Variants in RABGAP1L observed in about 807,000 individuals in gnomAD.
RABGAP1L encodes the protein RAB GTPase activating protein 1 like.
In RABGAP1L, 63 loss-of-function variants were observed where a neutral mutation model predicts 137.7. That is an observed-to-expected ratio of 0.46 (90% confidence interval 0.37 to 0.56). RABGAP1L has a LOEUF of 0.56. Among genes scored for constraint, RABGAP1L ranks in the 20% least tolerant of loss-of-function variants. The pLI, the probability that RABGAP1L is intolerant of heterozygous loss-of-function variation, is 0.00. For missense variants in RABGAP1L, 1,095 were observed against 1,244.0 expected, an observed-to-expected ratio of 0.88 and a Z score of 1.80; for synonymous variants, 431 against 433.7, an observed-to-expected ratio of 0.99 and a Z score of 0.08.
At chr1:174,946,774 G>T (rs976657721) in intron 19 of RABGAP1L, among the ~76,000 whole-genome samples, 2 of 150,486 alleles carry the variant, frequency 1.3e-5, no homozygotes, top group Non-Finnish European at 3.0e-5. Context: ...GGTGGCAGGC[G>T]CTTGTAATCC....
intron 14 of RABGAP1L, among the ~76,000 whole-genome samples, chr1:174,642,703 C>T (rs1396355317): frequency 2.1e-5 from 3 of 145,428 alleles, no homozygotes; most frequent in Non-Finnish European, 4.6e-5. Context: ...GTCTCTCTCT[C>T]TTTTCTTTTT....
chr1:174,756,005 A>C (rs1573044270), intron 18 of RABGAP1L, among the ~76,000 whole-genome samples: 1 of 152,306 alleles, frequency 6.6e-6, no homozygotes, highest in Admixed American at 6.5e-5. Context: ...ATGGGGGAAT[A>C]TTAGTAATAC....
intron 1 of RABGAP1L, among the ~76,000 whole-genome samples, chr1:174,182,749 C>T (rs1666478688): frequency 6.6e-6 from 1 of 152,102 alleles, no homozygotes; most frequent in African/African-American, 2.4e-5. Flanking sequence ...CTTTTACTTC[C>T]CCCCGTAAAC....
intron 4 of RABGAP1L, 82 bp from the exon 5 acceptor site, chr1:174,241,401 T>TTTA: frequency 1.4e-6 from 1 of 721,626 alleles, no homozygotes; most frequent in Non-Finnish European, 2.0e-6. Flanking sequence ...TCTTTTTTTT[T>TTTA]AAAAAAAAAA....
intron 13 of RABGAP1L, among the ~76,000 whole-genome samples, chr1:174,437,774 T>C (rs980408469): frequency 2.6e-4 from 39 of 152,200 alleles, no homozygotes; most frequent in Admixed American, 6.5e-4. Context: ...TTGTCAGATT[T>C]ACCACAGTGG....
chr1:174,645,638 G>A (rs948633103), intron 14 of RABGAP1L, among the ~76,000 whole-genome samples: 2 of 151,996 alleles, frequency 1.3e-5, no homozygotes, highest in African/African-American at 4.8e-5. Context: ...ATTTGGGTTG[G>A]TCCAAGTTTT....
chr1:174,868,438 C>T (rs1011742323), intron 19 of RABGAP1L, among the ~76,000 whole-genome samples: 1 of 152,126 alleles, frequency 6.6e-6, no homozygotes, highest in African/African-American at 2.4e-5. Flanking sequence ...CTGATGGAAA[C>T]TTAGTTGACA....
chr1:174,915,538 C>G (rs914078942), intron 19 of RABGAP1L, among the ~76,000 whole-genome samples: 1 of 152,164 alleles, frequency 6.6e-6, no homozygotes, highest in African/African-American at 2.4e-5. Context: ...CTCACTGCAA[C>G]CTCTGCCTCG....
intron 18 of RABGAP1L, among the ~76,000 whole-genome samples, chr1:174,758,917 C>G (rs1046926194): frequency 2.6e-5 from 4 of 152,158 alleles, no homozygotes; most frequent in Admixed American, 2.0e-4. Context: ...ATCCTTAACT[C>G]TCTTCTCAAT....
intron 13 of RABGAP1L, among the ~76,000 whole-genome samples, chr1:174,555,300 A>G (rs1666800580): frequency 6.6e-6 from 1 of 152,220 alleles, no homozygotes; most frequent in Non-Finnish European, 1.5e-5. Flanking sequence ...TTGAGTAATA[A>G]CAACATTCTT....
chr1:174,226,772 C>T (rs1215825231), intron 3 of RABGAP1L, among the ~76,000 whole-genome samples: 2 of 150,024 alleles, frequency 1.3e-5, no homozygotes, highest in African/African-American at 2.5e-5. Flanking sequence ...TTTCTTTTTC[C>T]TTTTTTTTTA....
At chr1:174,887,920 C>A (rs1655438391) in intron 19 of RABGAP1L, among the ~76,000 whole-genome samples, 1 of 152,044 alleles carries the variant, frequency 6.6e-6, no homozygotes, top group Non-Finnish European at 1.5e-5. Context: ...GCCTGTAATT[C>A]CAGCTACTCG....
At chr1:174,918,709 C>T (rs1661282175) in intron 19 of RABGAP1L, among the ~76,000 whole-genome samples, 1 of 152,102 alleles carries the variant, frequency 6.6e-6, no homozygotes, top group Non-Finnish European at 1.5e-5. Context: ...CCCAGGAGGT[C>T]ATGGCTATAG....
chr1:174,512,216 A>T (rs1208501091), intron 13 of RABGAP1L, among the ~76,000 whole-genome samples: 1 of 152,178 alleles, frequency 6.6e-6, no homozygotes, highest in African/African-American at 2.4e-5. Context: ...TTATGAGAAG[A>T]TAACACTTAC....
intron 19 of RABGAP1L, among the ~76,000 whole-genome samples, chr1:174,917,814 T>C (rs1433029190): frequency 7.3e-5 from 11 of 151,582 alleles, no homozygotes; most frequent in African/African-American, 2.7e-4. Context: ...TTACCCGTGA[T>C]CCCAGCTATG....
At chr1:174,827,142 T>C (rs1007041286) in intron 19 of RABGAP1L, among the ~76,000 whole-genome samples, 2 of 152,016 alleles carry the variant, frequency 1.3e-5, no homozygotes, top group Admixed American at 6.6e-5. Context: ...CTGTCTTTGT[T>C]TTTTTTTAAG....
At chr1:174,640,277 T>G (rs1053697227) in intron 14 of RABGAP1L, among the ~76,000 whole-genome samples, 4 of 152,106 alleles carry the variant, frequency 2.6e-5, no homozygotes, top group African/African-American at 9.7e-5. Flanking sequence ...AGTTTGATGA[T>G]AGCTCACAAA....
rs747671420 is a variant in RABGAP1L, at chr1:174,664,730, C to CTTTTTTTTTTTTTTTT, written c.1825-18789_1825-18788insTTTTTTTTTTTTTTTT. 9.7e-4 allele frequency among the ~76,000 whole-genome samples: 96 copies of CTTTTTTTTTTTTTTTT among 98,878 alleles called. 14 individuals are homozygous for CTTTTTTTTTTTTTTTT. The highest frequency in any genetic ancestry group is 4.8e-3 in the African/African-American group (75 of 15,658). The allele number at this position is 98,878 out of a possible 152,430, so 64.9% of individuals were successfully genotyped here. On this transcript the variant is annotated intron_variant, in intron 14 of 25. Transcript: ENST00000681986. ...CTCTCTCTTTCTTTCTTTCTTTCTG[C>CTTTTTTTTTTTTTTTT]TTTCTTTTTTTTTTTTTTTTTTTTT...
intron 13 of RABGAP1L, among the ~76,000 whole-genome samples, chr1:174,409,233 C>G (rs1649625525): frequency 6.6e-6 from 1 of 152,106 alleles, no homozygotes; most frequent in African/African-American, 2.4e-5. Context: ...TATGTCAGTT[C>G]CCAAAATTAA....
Sources: gnomAD v4.1 joint callset for allele counts (sites outside exome capture counted in the v4.1 genomes callset) on GRCh38, gnomAD v4.1.1 for gene constraint, MANE v1.5 for transcripts, NCBI Gene and HGNC (gene_info 2026-07-23, HGNC 2026-07-21) for gene names.